LRBA: variants seen among roughly 807,000 people sequenced by gnomAD.
The protein encoded by LRBA is LPS responsive beige-like anchor protein.
LRBA carries 176 observed loss-of-function variants against 330.0 expected under a neutral mutation model. That is an observed-to-expected ratio of 0.53 (90% CI 0.47 to 0.60). LRBA has a LOEUF of 0.60. Ranked by LOEUF, LRBA falls within the 20% of genes least tolerant of loss-of-function variation. The probability of loss-of-function intolerance (pLI) is 0.00; values close to 1 mark genes in which losing one functional copy is unlikely to be tolerated. For missense variants in LRBA, 3,259 were observed against 3,444.8 expected (o/e 0.95, Z 1.35); for synonymous variants, 1,230 against 1,193.0 (o/e 1.03, Z -0.64).
At chr4:150,885,631 G>A (rs1174511330) in intron 17 of LRBA, among the ~76,000 whole-genome samples, 1 of 151,578 alleles carries the variant, frequency 6.6e-6, no homozygotes, top group Non-Finnish European at 1.5e-5. Flanking sequence ...AAAAAAAAAA[G>A]TGAATCACAA....
chr4:150,528,765 C>G (rs1763757487), intron 40 of LRBA, among the ~76,000 whole-genome samples: 1 of 151,672 alleles, frequency 6.6e-6, no homozygotes, highest in Non-Finnish European at 1.5e-5. Context: ...AAGGGGTTAG[C>G]AAAGAAAAAC....
At chr4:150,776,230 T>C (rs1191308561) in intron 34 of LRBA, among the ~76,000 whole-genome samples, 4 of 151,984 alleles carry the variant, frequency 2.6e-5, no homozygotes, top group Non-Finnish European at 4.4e-5. Flanking sequence ...GGCAGGAGAA[T>C]CCCTTGAACC....
At chr4:150,874,739 A>G (rs1753814347) in intron 17 of LRBA, among the ~76,000 whole-genome samples, 1 of 151,970 alleles carries the variant, frequency 6.6e-6, no homozygotes, top group African/African-American at 2.4e-5. Context: ...AGATCATAGC[A>G]CTGGACCCTC....
chr4:150,594,540 T>C (rs1042295830), intron 38 of LRBA, among the ~76,000 whole-genome samples: 1 of 152,086 alleles, frequency 6.6e-6, no homozygotes, highest in Non-Finnish European at 1.5e-5. Flanking sequence ...TCAATTCAGA[T>C]ATTTCTGGCT....
intron 36 of LRBA, among the ~76,000 whole-genome samples, chr4:150,697,039 A>G (rs957452341): frequency 3.3e-5 from 5 of 150,880 alleles, no homozygotes; most frequent in African/African-American, 1.2e-4. Flanking sequence ...AAAAGAAAAA[A>G]AAAAAGGCCG....
At chr4:150,448,566 C>T (rs1024121248) in intron 44 of LRBA, among the ~76,000 whole-genome samples, 2 of 152,026 alleles carry the variant, frequency 1.3e-5, no homozygotes, top group African/African-American at 4.8e-5. Context: ...CTTCGGGAGG[C>T]CGAGGCAGGT....
chr4:150,684,637 T>C (rs1783370523), intron 36 of LRBA, among the ~76,000 whole-genome samples: 1 of 152,154 alleles, frequency 6.6e-6, no homozygotes. Flanking sequence ...ATACTTGTGG[T>C]GTCATGTTTA....
At chr4:150,983,081 A>G (rs1286210877) in intron 2 of LRBA, among the ~76,000 whole-genome samples, 1 of 152,044 alleles carries the variant, frequency 6.6e-6, no homozygotes, top group Non-Finnish European at 1.5e-5. Flanking sequence ...CCCTGTCTCA[A>G]AGAAAAAAAC....
Position 150,302,754 on chromosome 4 carries a change from C to A in LRBA, c.7888G>T (p.Val2630Phe). ...IQVVFGHWDV[V>F]TCLARSESYI... ...GACTCAGAACGAGCAAGGCAAGTGA[C>A]GACATCCCAATGGCCAAACACCACT... Residue 2630 changes from valine to phenylalanine, a missense_variant, in exon 53 of 57, where the codon GTC becomes TTC. By Grantham distance (50) the Val-to-Phe change is conservative. Coordinates refer to ENST00000651943, the MANE Select transcript of LRBA (RefSeq NM_001364905.1). The A allele has an allele frequency of 6.2e-7, 1 of 1,609,322 alleles. No individual in the cohort carries two copies. Among genetic ancestry groups the A allele is most frequent in the Non-Finnish European group, 8.5e-7 (1 of 1,177,422 alleles).
rs115630975 is a variant in LRBA at position 150,697,970 on chromosome 4, C to T, written c.5755-14253G>A. ...GAAGTAATTTAGTCAGCAGACCATA[C>T]TTAAACAGCACTAATATAAAAAGGT... On this transcript the variant is annotated intron_variant, in intron 36 of 56. Coordinates refer to ENST00000651943, the MANE Select transcript of LRBA (RefSeq NM_001364905.1). Among the ~76,000 whole-genome samples, 697 of 152,194 alleles carry T rather than the reference C, an allele frequency of 4.6e-3. 6 individuals are homozygous for T. Among genetic ancestry groups the T allele is most frequent in the African/African-American group, 0.016 (666 of 41,554 alleles).
At chr4:150,710,643 G>A (rs943800369) in intron 36 of LRBA, among the ~76,000 whole-genome samples, 1 of 152,014 alleles carries the variant, frequency 6.6e-6, no homozygotes, top group African/African-American at 2.4e-5. Context: ...GAGCCAAAGA[G>A]ACGTACCAAA....
chr4:150,604,053 T>C (rs899511811), intron 37 of LRBA, among the ~76,000 whole-genome samples: 2 of 152,136 alleles, frequency 1.3e-5, no homozygotes, highest in East Asian at 3.8e-4. Flanking sequence ...TTCACATTTT[T>C]CCTCTAATAG....
chr4:150,816,705 AT>A lies in LRBA; in HGVS notation c.5305+418del, dbSNP rs71596233. 4.6e-3 allele frequency among the ~76,000 whole-genome samples: 685 copies of A among 149,824 alleles called. 5 individuals carry two copies. Among genetic ancestry groups the A allele is most frequent in the African/African-American group, 0.016 (639 of 40,992 alleles). On this transcript the variant is annotated intron_variant, in intron 31 of 56. Coordinates refer to ENST00000651943, the MANE Select transcript of LRBA (RefSeq NM_001364905.1). Reference sequence around the variant, plus strand: ...ACAAAGTATTGGACACTATATAAATATTTTTTTTTTGTACAGTCCAAAATAT... The same window carrying A: ...ACAAAGTATTGGACACTATATAAATATTTTTTTTTGTACAGTCCAAAATAT...
chr4:150,267,469 G>C (rs1485887394), intron 56 of LRBA, among the ~76,000 whole-genome samples: 1 of 152,088 alleles, frequency 6.6e-6, no homozygotes, highest in Non-Finnish European at 1.5e-5. Flanking sequence ...AGAAAATACT[G>C]AGACAAATGA....
chr4:150,453,646 G>A (rs75249788), intron 44 of LRBA, among the ~76,000 whole-genome samples: 25,558 of 152,096 alleles, frequency 0.17, 2,221 homozygotes, highest in Non-Finnish European at 0.2. Context: ...ATCTAAATCA[G>A]CAGCTTTCAA....
intron 2 of LRBA, among the ~76,000 whole-genome samples, chr4:150,934,000 G>A (rs1734793260): frequency 6.6e-6 from 1 of 151,910 alleles, no homozygotes; most frequent in South Asian, 2.1e-4. Context: ...CTCCAGCCTG[G>A]GCGACAGGGC....
At chr4:151,009,977 C>T (rs1249088337) in intron 2 of LRBA, among the ~76,000 whole-genome samples, 1 of 149,890 alleles carries the variant, frequency 6.7e-6, no homozygotes, top group African/African-American at 2.5e-5. Context: ...GAGGCTCCAT[C>T]TCAAAAAAAT....
At chr4:150,345,113 C>G (rs1017625199) in intron 48 of LRBA, among the ~76,000 whole-genome samples, 2 of 152,172 alleles carry the variant, frequency 1.3e-5, no homozygotes, top group African/African-American at 4.8e-5. Context: ...TCAGTTTGGG[C>G]TTAGTACCTA....
At chr4:150,414,787 G>A (rs536874571) in intron 47 of LRBA, among the ~76,000 whole-genome samples, 44 of 152,234 alleles carry the variant, frequency 2.9e-4, no homozygotes, top group African/African-American at 9.9e-4. Context: ...CACCGCACCC[G>A]GCCAAGATTC....
Sources: allele counts gnomAD v4.1 joint callset (sites outside exome capture counted in the v4.1 genomes callset), GRCh38; gene constraint gnomAD v4.1.1; transcripts MANE v1.5; gene names NCBI Gene and HGNC (gene_info 2026-07-23, HGNC 2026-07-21).